The following RAP1A variants were observed in gnomAD, a reference collection of about 807,000 sequenced individuals.
RAP1A encodes ras-related protein Rap-1A.
A neutral mutation model predicts 26.4 loss-of-function variants in RAP1A; 6 were observed. The observed-to-expected ratio is 0.23, with a 90% CI of 0.12 to 0.45. RAP1A has a LOEUF of 0.45. Ranked by LOEUF, RAP1A falls within the 20% of genes least tolerant of loss-of-function variation. The pLI is 0.99. For synonymous variants in RAP1A, 73 were observed against 79.4 expected, an observed-to-expected ratio of 0.92 and a Z score of 0.43; for missense variants, 121 against 217.2, an observed-to-expected ratio of 0.56 and a Z score of 2.78.
intron 1 of RAP1A, among the ~76,000 whole-genome samples, chr1:111,652,543 A>G (rs1222322684): frequency 1.3e-5 from 2 of 152,160 alleles, no homozygotes; most frequent in African/African-American, 4.8e-5. Flanking sequence ...CTCACAAAGC[A>G]TAAAACATTT....
chr1:111,683,529 A>G (rs1661371568), intron 1 of RAP1A, among the ~76,000 whole-genome samples: 1 of 152,188 alleles, frequency 6.6e-6, no homozygotes, highest in Non-Finnish European at 1.5e-5. Context: ...GAGAATATAA[A>G]CACCTCTATG....
At chr1:111,687,860 T>C in intron 1 of RAP1A, among the ~76,000 whole-genome samples, 1 of 151,688 alleles carries the variant, frequency 6.6e-6, no homozygotes, top group East Asian at 1.9e-4. Flanking sequence ...CAAAAAAAAT[T>C]AGAAACATTA....
At chr1:111,621,944 A>G (rs761564420) in intron 1 of RAP1A, among the ~76,000 whole-genome samples, 5 of 152,220 alleles carry the variant, frequency 3.3e-5, no homozygotes, top group Admixed American at 2.6e-4. Context: ...GTATATTCAT[A>G]TACGTTGTTC....
intron 1 of RAP1A, among the ~76,000 whole-genome samples, chr1:111,671,469 T>C (rs1660971856): frequency 7.5e-6 from 1 of 133,714 alleles, no homozygotes; most frequent in Non-Finnish European, 1.7e-5. Flanking sequence ...CTATTTTCTT[T>C]TCTTTCTTTC....
intron 1 of RAP1A, among the ~76,000 whole-genome samples, chr1:111,552,891 C>G (rs1324909180): frequency 6.6e-6 from 1 of 152,198 alleles, no homozygotes; most frequent in Non-Finnish European, 1.5e-5. Context: ...ATAGTGAACA[C>G]TCAAAAATTG....
At position 111,626,012 on chromosome 1, in the gene RAP1A, T is replaced by C. The variant is rs150425638; in HGVS notation, c.-28+6078T>C. ...TTAAGTAACCCCAAATTAGGCTCTT[T>C]GATGGATACTGAGATGTGAAGGTGT... On this transcript the variant is annotated intron_variant, in intron 1 of 7. Transcript: ENST00000369709. 3.2e-3 allele frequency among the ~76,000 whole-genome samples: 489 copies of C among 152,314 alleles called. 4 individuals are homozygous for C. The highest frequency in any genetic ancestry group is 0.011 in the African/African-American group (475 of 41,574).
intron 1 of RAP1A, among the ~76,000 whole-genome samples, chr1:111,585,463 G>T (rs1223533464): frequency 6.7e-6 from 1 of 150,320 alleles, no homozygotes. Flanking sequence ...AGATATTAAA[G>T]CTCTTTATTG....
chr1:111,590,865 T>A (rs1007727351), intron 1 of RAP1A, among the ~76,000 whole-genome samples: 1 of 152,242 alleles, frequency 6.6e-6, no homozygotes, highest in African/African-American at 2.4e-5. Flanking sequence ...ATAATTCTCC[T>A]TGTCTGGTTT....
At chr1:111,708,133 C>T (rs1306200720) in intron 6 of RAP1A, among the ~76,000 whole-genome samples, 1 of 152,158 alleles carries the variant, frequency 6.6e-6, no homozygotes, top group East Asian at 1.9e-4. Context: ...CTGATTGCAC[C>T]ACTGCACTCC....
At chr1:111,608,828 T>G (rs2101078402) in intron 1 of RAP1A, 1 of 154,306 alleles carries the variant, frequency 6.5e-6, no homozygotes, top group South Asian at 2.0e-4. Context: ...GCAGGGAGGC[T>G]GCAGTGAGCC....
chr1:111,572,845 C>T (rs896926427), intron 1 of RAP1A, among the ~76,000 whole-genome samples: 5 of 152,108 alleles, frequency 3.3e-5, no homozygotes, highest in Non-Finnish European at 7.4e-5. Flanking sequence ...TTTATCACCC[C>T]GGTACTAAGC....
At chr1:111,639,784 A>G (rs1306547474) in intron 1 of RAP1A, among the ~76,000 whole-genome samples, 3 of 152,130 alleles carry the variant, frequency 2.0e-5, no homozygotes, top group African/African-American at 7.2e-5. Context: ...TTGGAGTTGA[A>G]TTGTCACCAC....
chr1:111,670,258 G>T (rs1212723537), intron 1 of RAP1A, among the ~76,000 whole-genome samples: 2 of 152,088 alleles, frequency 1.3e-5, no homozygotes, highest in Admixed American at 6.6e-5. Context: ...GATAGCTTGA[G>T]CCTAGGAGTT....
chr1:111,572,724 C>T (rs1658073905), intron 1 of RAP1A, among the ~76,000 whole-genome samples: 1 of 152,188 alleles, frequency 6.6e-6, no homozygotes, highest in African/African-American at 2.4e-5. Context: ...GAAGAGGTTA[C>T]TGGGACACAG....
intron 1 of RAP1A, among the ~76,000 whole-genome samples, chr1:111,670,947 C>G (rs994651265): frequency 1.3e-5 from 2 of 152,134 alleles, no homozygotes; most frequent in African/African-American, 4.8e-5. Flanking sequence ...TAATCCTTTA[C>G]TTGAATATTT....
intron 1 of RAP1A, among the ~76,000 whole-genome samples, chr1:111,603,983 A>G (rs922794065): frequency 6.6e-6 from 1 of 152,174 alleles, no homozygotes; most frequent in Non-Finnish European, 1.5e-5. Flanking sequence ...TTAAACTTCA[A>G]GAGTATAAAA....
At chr1:111,548,298 A>G (rs2786973) in intron 1 of RAP1A, among the ~76,000 whole-genome samples, 149,812 of 152,366 alleles carry the variant, frequency 0.98, 73,700 homozygotes, top group Middle Eastern at 1. Flanking sequence ...TGGGATTACA[A>G]GCGTGAGCCA....
upstream of RAP1A, among the ~76,000 whole-genome samples, chr1:111,618,626 C>CA (rs1659065106): frequency 6.6e-6 from 1 of 152,140 alleles, no homozygotes; most frequent in South Asian, 2.1e-4. Context: ...GGATGTATAA[C>CA]AGACACCTTA....
chr1:111,550,250 AT>A (rs1470235269), intron 1 of RAP1A, among the ~76,000 whole-genome samples: 1 of 152,108 alleles, frequency 6.6e-6, no homozygotes, highest in East Asian at 1.9e-4. Flanking sequence ...AGGATTGCCT[AT>A]TTTGTTGACC....
Sources: allele counts gnomAD v4.1 joint callset (sites outside exome capture counted in the v4.1 genomes callset), GRCh38; gene constraint gnomAD v4.1.1; transcripts MANE v1.5; gene names NCBI Gene and HGNC (gene_info 2026-07-23, HGNC 2026-07-21).